LRRC8C: variants seen among roughly 807,000 people sequenced by gnomAD.
The protein encoded by LRRC8C is volume-regulated anion channel subunit LRRC8C.
LRRC8C carries 20 observed loss-of-function variants against 55.3 expected under a neutral mutation model. The observed-to-expected ratio is 0.36, with a 90% CI of 0.25 to 0.53. The LOEUF (loss-of-function observed/expected upper bound fraction) is 0.53. LRRC8C is among the 20% of genes least tolerant of loss of function. The pLI, the probability that LRRC8C is intolerant of heterozygous loss-of-function variation, is 0.92. For synonymous variants in LRRC8C, 376 were observed against 360.7 expected, an observed-to-expected ratio of 1.04 and a Z score of -0.48; for missense variants, 659 against 951.4, an observed-to-expected ratio of 0.69 and a Z score of 4.04.
chr1:89,658,000 A>C (rs1656998216), intron 1 of LRRC8C, among the ~76,000 whole-genome samples: 1 of 152,132 alleles, frequency 6.6e-6, no homozygotes, highest in Non-Finnish European at 1.5e-5. Flanking sequence ...CAGCTTGACT[A>C]TGATTTGTTT....
At chr1:89,684,044 G>A (rs144531859) in intron 1 of LRRC8C, among the ~76,000 whole-genome samples, 382 of 152,074 alleles carry the variant, frequency 2.5e-3, no homozygotes, top group African/African-American at 8.8e-3. Flanking sequence ...TTTTCATAAT[G>A]ATGTATCTTG....
rs902352189 is a variant in LRRC8C at position 89,716,505 on chromosome 1, G to T, written c.*1523G>T. 6.6e-6 allele frequency: 1 copy of T among 152,186 alleles called. No homozygotes were observed. Among genetic ancestry groups the T allele is most frequent in the Non-Finnish European group, 1.5e-5 (1 of 68,030 alleles). 9.4% of individuals were successfully genotyped at this position (152,186 alleles called of 1,614,324 possible). A position where few individuals can be genotyped will look rare whatever the true frequency, so the allele number is the denominator to read the frequency against. ...TAATTTTTGCCTGACCATCAGCAGAGCTTTTATTTACCTTTGTAATTAAAA... is the reference window on the plus strand; with the variant it reads ...TAATTTTTGCCTGACCATCAGCAGATCTTTTATTTACCTTTGTAATTAAAA... On this transcript the variant is annotated 3_prime_UTR_variant, in exon 3 of 3. Coordinates refer to ENST00000370454, the MANE Select transcript of LRRC8C (RefSeq NM_032270.5).
chr1:89,658,433 A>T (rs879390603), intron 1 of LRRC8C, among the ~76,000 whole-genome samples: 1 of 152,224 alleles, frequency 6.6e-6, no homozygotes, highest in Non-Finnish European at 1.5e-5. Flanking sequence ...TCTGAGGCTC[A>T]GTAAAGTTTT....
chr1:89,683,599 A>C (rs1477035288), intron 1 of LRRC8C, among the ~76,000 whole-genome samples: 1 of 151,994 alleles, frequency 6.6e-6, no homozygotes, highest in African/African-American at 2.4e-5. Context: ...CTCATGATCC[A>C]CCAACCTTGG....
intron 2 of LRRC8C, among the ~76,000 whole-genome samples, chr1:89,707,651 A>AGTGT (rs34052147): frequency 0.19 from 27,095 of 139,932 alleles, 2,536 homozygotes; most frequent in East Asian, 0.26. Flanking sequence ...TGTGTGTGTG[A>AGTGT]GTGTGTGTGT....
At chr1:89,640,168 G>A (rs916271439) in intron 1 of LRRC8C, among the ~76,000 whole-genome samples, 3 of 152,232 alleles carry the variant, frequency 2.0e-5, no homozygotes, top group Non-Finnish European at 4.4e-5. Context: ...GGGTTCAAGT[G>A]ATTCTCCTGC....
At chr1:89,658,237 T>C (rs1249321835) in intron 1 of LRRC8C, among the ~76,000 whole-genome samples, 1 of 152,194 alleles carries the variant, frequency 6.6e-6, no homozygotes, top group Admixed American at 6.5e-5. Flanking sequence ...CTCTTCCTGT[T>C]GACATATTTG....
At chr1:89,647,359 T>C (rs1051644526) in intron 1 of LRRC8C, among the ~76,000 whole-genome samples, 1 of 152,220 alleles carries the variant, frequency 6.6e-6, no homozygotes, top group African/African-American at 2.4e-5. Flanking sequence ...CAGATAAGAA[T>C]GCAGATGCCC....
intron 2 of LRRC8C, among the ~76,000 whole-genome samples, chr1:89,703,038 A>G (rs1292142318): frequency 6.6e-6 from 1 of 152,222 alleles, no homozygotes; most frequent in African/African-American, 2.4e-5. Flanking sequence ...AATGGAAGAA[A>G]GGATGGAGCA....
chr1:89,656,677 A>G (rs556539363), intron 1 of LRRC8C, among the ~76,000 whole-genome samples: 1 of 152,332 alleles, frequency 6.6e-6, no homozygotes, highest in Admixed American at 6.5e-5. Context: ...TCTTGAGGCA[A>G]TGGAAAAAAT....
At chr1:89,658,836 T>G (rs1557651558) in intron 1 of LRRC8C, among the ~76,000 whole-genome samples, 1 of 152,150 alleles carries the variant, frequency 6.6e-6, no homozygotes, top group South Asian at 2.1e-4. Context: ...GTTTAAATTC[T>G]TTAAAGTTTA....
intron 2 of LRRC8C, among the ~76,000 whole-genome samples, chr1:89,704,294 G>T (rs923387347): frequency 6.6e-6 from 1 of 152,052 alleles, no homozygotes; most frequent in African/African-American, 2.4e-5. Context: ...CAGATAGTAT[G>T]TAACCTTTTG....
intron 1 of LRRC8C, among the ~76,000 whole-genome samples, chr1:89,634,417 G>T (rs11800647): frequency 0.047 from 7,186 of 152,232 alleles, 569 homozygotes; most frequent in African/African-American, 0.17. Context: ...GCAGCCGTTT[G>T]TAAGTCACAT....
intron 1 of LRRC8C, among the ~76,000 whole-genome samples, chr1:89,677,791 C>G (rs972820959): frequency 1.6e-4 from 25 of 152,192 alleles, no homozygotes; most frequent in Admixed American, 1.3e-4. Context: ...TAATTATGTT[C>G]TGCTTCAGTG....
At chr1:89,699,667 G>A (rs769835812) in intron 2 of LRRC8C, among the ~76,000 whole-genome samples, 2 of 152,132 alleles carry the variant, frequency 1.3e-5, no homozygotes, top group East Asian at 3.8e-4. Context: ...GACGGTGTTC[G>A]TCCTGATGAT....
intron 1 of LRRC8C, among the ~76,000 whole-genome samples, chr1:89,651,898 G>A (rs1369530833): frequency 6.6e-6 from 1 of 152,078 alleles, no homozygotes; most frequent in African/African-American, 2.4e-5. Context: ...TCAACTGCAT[G>A]GGTCATATCT....
chr1:89,661,764 AT>A (rs1657130001), intron 1 of LRRC8C, among the ~76,000 whole-genome samples: 1 of 152,216 alleles, frequency 6.6e-6, no homozygotes. Flanking sequence ...GTTAAGTGCT[AT>A]GGAGAAAAAT....
At chr1:89,688,036 A>G (rs1657929285) in intron 2 of LRRC8C, among the ~76,000 whole-genome samples, 1 of 152,204 alleles carries the variant, frequency 6.6e-6, no homozygotes, top group African/African-American at 2.4e-5. Context: ...TACTAGCCTC[A>G]CTTACAAATG....
intron 1 of LRRC8C, among the ~76,000 whole-genome samples, chr1:89,634,060 C>G (rs1656213343): frequency 6.6e-6 from 1 of 152,182 alleles, no homozygotes; most frequent in Non-Finnish European, 1.5e-5. Context: ...TCTTTTCTCC[C>G]TCAGCCGGTT....
Sources: allele counts gnomAD v4.1 joint callset (sites outside exome capture counted in the v4.1 genomes callset), GRCh38; gene constraint gnomAD v4.1.1; transcripts MANE v1.5; gene names NCBI Gene and HGNC (gene_info 2026-07-23, HGNC 2026-07-21).